The following KCNT2 variants were observed in gnomAD, a reference collection of about 807,000 sequenced individuals.
KCNT2 encodes the protein potassium sodium-activated channel subfamily T member 2.
In KCNT2, 67 loss-of-function variants were observed where a neutral mutation model predicts 153.8. The observed-to-expected ratio is 0.44, with a 90% CI of 0.36 to 0.53. KCNT2 has a LOEUF of 0.53. Ranked by LOEUF, KCNT2 falls within the 20% of genes least tolerant of loss-of-function variation. KCNT2 has a pLI of 0.00. For synonymous variants in KCNT2, 500 were observed against 458.8 expected, an observed-to-expected ratio of 1.09 and a Z score of -1.15; for missense variants, 975 against 1,354.8, an observed-to-expected ratio of 0.72 and a Z score of 4.40.
chr1:196,563,215 G>C (rs1170248108), intron 1 of KCNT2, among the ~76,000 whole-genome samples: 1 of 151,604 alleles, frequency 6.6e-6, no homozygotes, highest in Admixed American at 6.6e-5. Context: ...TTGTTGTTTT[G>C]GTTATTCTCT....
chr1:196,505,160 C>A (rs937973560), intron 1 of KCNT2, among the ~76,000 whole-genome samples: 7 of 151,974 alleles, frequency 4.6e-5, no homozygotes, highest in African/African-American at 1.7e-4. Flanking sequence ...GTCCTTGCTC[C>A]TGCCTATGTC....
intron 11 of KCNT2, among the ~76,000 whole-genome samples, chr1:196,425,397 G>C (rs188837778): frequency 3.6e-4 from 54 of 152,100 alleles, no homozygotes; most frequent in African/African-American, 1.3e-3. Context: ...CAAGTGCTAT[G>C]TGTCCAATAC....
chr1:196,479,581 A>T (rs528390484), intron 4 of KCNT2, among the ~76,000 whole-genome samples: 19 of 152,036 alleles, frequency 1.2e-4, no homozygotes, highest in African/African-American at 3.9e-4. Context: ...TCGTTTTAAA[A>T]TTTTTTTTAA....
intron 1 of KCNT2, among the ~76,000 whole-genome samples, chr1:196,539,956 T>C (rs1364852114): frequency 6.6e-6 from 1 of 152,032 alleles, no homozygotes; most frequent in African/African-American, 2.4e-5. Flanking sequence ...AAATTTCTTA[T>C]ATACTCTGAA....
intron 1 of KCNT2, among the ~76,000 whole-genome samples, chr1:196,593,311 T>TATATATACACACACACACAC (rs1256165838): frequency 7.8e-5 from 11 of 140,204 alleles, no homozygotes; most frequent in African/African-American, 2.8e-4. Flanking sequence ...TATATATATA[T>TATATATACACACACACACAC]ACACACACAC....
intron 14 of KCNT2, among the ~76,000 whole-genome samples, chr1:196,346,501 A>G (rs540605386): frequency 2.0e-5 from 3 of 152,204 alleles, no homozygotes; most frequent in African/African-American, 7.2e-5. Flanking sequence ...CTGTTAATTG[A>G]TTCTTCTCTG....
intron 1 of KCNT2, among the ~76,000 whole-genome samples, chr1:196,562,859 C>T (rs1489879696): frequency 6.6e-6 from 1 of 151,930 alleles, no homozygotes; most frequent in Non-Finnish European, 1.5e-5. Flanking sequence ...TTCTTTCACA[C>T]CAGATATTTT....
chr1:196,406,237 A>G (rs1161882204), intron 12 of KCNT2, among the ~76,000 whole-genome samples: 1 of 151,542 alleles, frequency 6.6e-6, no homozygotes, highest in Non-Finnish European at 1.5e-5. Context: ...AGTATTTATC[A>G]TCTATAACTA....
intron 13 of KCNT2, among the ~76,000 whole-genome samples, chr1:196,392,076 C>T (rs977262200): frequency 2.0e-5 from 3 of 151,168 alleles, no homozygotes; most frequent in African/African-American, 7.3e-5. Context: ...CTTAAGAGAG[C>T]TCCGCTGATA....
Position 196,449,623 on chromosome 1 carries a change from G to A in KCNT2, c.638+15670C>T, listed in dbSNP as rs532214713. Among the ~76,000 whole-genome samples the A allele has an allele frequency of 3.3e-5, 5 of 151,524 alleles. No individual in the cohort carries two copies. The South Asian group carries it at 1.0e-3, about 32-fold the overall frequency. On this transcript the variant is annotated intron_variant, in intron 8 of 27. Transcript: ENST00000294725. ...ATCAAAATACTTTAAAATATCCTGG[G>A]AAAGATCATGGACAAGAAAAAGGTT...
intron 20 of KCNT2, 89 bp downstream of exon 20, chr1:196,319,395 A>T: frequency 1.4e-6 from 1 of 720,486 alleles, no homozygotes; most frequent in African/African-American, 1.8e-5. Context: ...GACACGGCAA[A>T]TTACACTCAT....
intron 1 of KCNT2, among the ~76,000 whole-genome samples, chr1:196,559,125 C>T (rs1356952782): frequency 2.0e-5 from 3 of 151,260 alleles, no homozygotes; most frequent in African/African-American, 7.3e-5. Flanking sequence ...TTTTTAAGAT[C>T]ACTTGAAAAC....
chr1:196,308,978 A>C (rs1305028182), intron 21 of KCNT2, among the ~76,000 whole-genome samples: 1 of 152,040 alleles, frequency 6.6e-6, no homozygotes, highest in Non-Finnish European at 1.5e-5. Flanking sequence ...ATAAACACAT[A>C]AAGTAAGATT....
intron 3 of KCNT2, among the ~76,000 whole-genome samples, chr1:196,483,869 A>G (rs1679208177): frequency 6.6e-6 from 1 of 152,198 alleles, no homozygotes; most frequent in Non-Finnish European, 1.5e-5. Context: ...GTACCTGCAT[A>G]TATTAAACTA....
intron 1 of KCNT2, among the ~76,000 whole-genome samples, chr1:196,544,021 A>G (rs931390954): frequency 1.3e-5 from 2 of 152,164 alleles, no homozygotes; most frequent in Non-Finnish European, 2.9e-5. Flanking sequence ...GTTAAACTAT[A>G]GTACATCTGC....
Position 196,334,801 on chromosome 1 carries a change from T to C in KCNT2, c.1784-741A>G, listed in dbSNP as rs114733044. 4.4e-3 allele frequency among the ~76,000 whole-genome samples: 673 copies of C among 152,190 alleles called. 4 individuals are homozygous for C. Among genetic ancestry groups the C allele is most frequent in the African/African-American group, 0.015 (612 of 41,550 alleles). On this transcript the variant is annotated intron_variant, in intron 16 of 27. Transcript: ENST00000294725. ...AAGTAGACAAATAAATGGATAATTG[T>C]AGACAATAATCAGTAGCATGCAGGG...
chr1:196,229,848 A>G (rs539262116), intron 27 of KCNT2, among the ~76,000 whole-genome samples: 1 of 152,204 alleles, frequency 6.6e-6, no homozygotes, highest in South Asian at 2.1e-4. Flanking sequence ...CCTCTTTTCA[A>G]TTCTCTGAAA....
At chr1:196,525,920 G>A (rs191850037) in intron 1 of KCNT2, among the ~76,000 whole-genome samples, 1 of 152,228 alleles carries the variant, frequency 6.6e-6, no homozygotes, top group East Asian at 1.9e-4. Flanking sequence ...CAAAAAATGT[G>A]ACCAAAGGTT....
chr1:196,554,388 C>T (rs1454609518), intron 1 of KCNT2, among the ~76,000 whole-genome samples: 2 of 151,098 alleles, frequency 1.3e-5, no homozygotes, highest in African/African-American at 4.8e-5. Flanking sequence ...TATATGTCAA[C>T]AAGTTGGAAA....
Sources: gnomAD v4.1 joint callset for allele counts (sites outside exome capture counted in the v4.1 genomes callset) on GRCh38, gnomAD v4.1.1 for gene constraint, MANE v1.5 for transcripts, NCBI Gene and HGNC (gene_info 2026-07-23, HGNC 2026-07-21) for gene names.